Variants in RANBP10 observed in about 807,000 individuals in gnomAD.
The protein encoded by RANBP10 is ran-binding protein 10.
RANBP10 carries 24 observed loss-of-function variants against 72.8 expected under a neutral mutation model. The observed-to-expected ratio is 0.33, with a 90% CI of 0.24 to 0.46. The LOEUF is 0.46. Ranked by LOEUF, RANBP10 falls within the 20% of genes least tolerant of loss-of-function variation. The pLI is 1.00. For synonymous variants in RANBP10, 310 were observed against 322.3 expected (o/e 0.96, Z 0.41); for missense variants, 679 against 817.5 (o/e 0.83, Z 2.07).
At chr16:67,784,906 A>G (rs2054884097) in intron 2 of RANBP10, among the ~76,000 whole-genome samples, 2 of 150,704 alleles carry the variant, frequency 1.3e-5, no homozygotes, top group Non-Finnish European at 2.9e-5. Flanking sequence ...CTGGCCCAGT[A>G]GCACTTAAAA....
intron 3 of RANBP10, among the ~76,000 whole-genome samples, chr16:67,753,469 G>A (rs1430209420): frequency 6.6e-6 from 1 of 152,178 alleles, no homozygotes; most frequent in Admixed American, 6.5e-5. Context: ...ACTCCAGCCT[G>A]GGCAATAAAG....
intron 4 of RANBP10, chr16:67,738,709 C>T (rs1162721076): frequency 2.0e-5 from 3 of 152,324 alleles, no homozygotes; most frequent in African/African-American, 4.8e-5. Flanking sequence ...ACCTCAGCTT[C>T]CCAAAGTGCT....
Position 67,729,359 on chromosome 16 carries a change from A to T in RANBP10, c.1273T>A (p.Ser425Thr), listed in dbSNP as rs1339406845. ...SSSSSSSSPS[S>T]VNYSESNSTD... ...GAGTTGGACTCGGAGTAATTGACGG[A>T]GGATGGGGAAGAGGACGAGGAGGAG... Residue 425 changes from serine (S) to threonine (T), a missense_variant, in exon 10 of 14, where the codon TCC (serine) becomes ACC (threonine). Transcript: ENST00000317506. The surrounding 1 kb of genome is among the most constrained non-coding windows in gnomAD (Gnocchi z 7.1). 1.2e-6 allele frequency: 2 copies of T among 1,612,440 alleles called. No homozygotes were observed. Among genetic ancestry groups the T allele is most frequent in the Non-Finnish European group, 1.7e-6 (2 of 1,179,262 alleles).
chr16:67,772,055 C>T lies in RANBP10; in HGVS notation c.379G>A (p.Val127Ile), dbSNP rs759089845. The T allele has an allele frequency of 2.9e-5, 46 of 1,605,020 alleles. No individual in the cohort carries two copies. The highest frequency in any genetic ancestry group is 3.7e-5 in the Non-Finnish European group (43 of 1,177,426). ...TCACCAGGAAGTCTGTTCATGTTGACGCCTTGAGCCGAGAGTCCTATTCCC... is the reference window on the plus strand; with the variant it reads ...TCACCAGGAAGTCTGTTCATGTTGATGCCTTGAGCCGAGAGTCCTATTCCC... Reference protein sequence around the residue: ...YMGIGLSAQGVNMNRLPGWDK... With the variant: ...YMGIGLSAQGINMNRLPGWDK... The change falls in exon 3 of 14, where the codon GTC becomes ATC. Residue 127 changes from valine to isoleucine, a missense_variant. Coordinates refer to ENST00000317506, the MANE Select transcript of RANBP10 (RefSeq NM_020850.3).
chr16:67,732,008 C>T (rs1479883909), intron 6 of RANBP10, among the ~76,000 whole-genome samples: 2 of 152,188 alleles, frequency 1.3e-5, no homozygotes, highest in African/African-American at 4.8e-5. Context: ...TGGCAGATTT[C>T]CAGACAGGAT....
At chr16:67,737,662 G>T (rs2053881013) in intron 5 of RANBP10, among the ~76,000 whole-genome samples, 1 of 151,750 alleles carries the variant, frequency 6.6e-6, no homozygotes, top group African/African-American at 2.4e-5. Context: ...CACAGTTCAG[G>T]AACAATTCCC....
At chr16:67,770,191 T>C (rs749855029) in intron 3 of RANBP10, among the ~76,000 whole-genome samples, 1 of 152,092 alleles carries the variant, frequency 6.6e-6, no homozygotes, top group African/African-American at 2.4e-5. Flanking sequence ...TGACAGGAAA[T>C]TATTTTTCCT....
intron 3 of RANBP10, among the ~76,000 whole-genome samples, chr16:67,762,081 C>T (rs985996035): frequency 6.6e-6 from 1 of 151,888 alleles, no homozygotes; most frequent in East Asian, 1.9e-4. Context: ...CATAGCAAGA[C>T]CCCATCTCTA....
At chr16:67,747,191 C>G (rs2054099114) in intron 3 of RANBP10, among the ~76,000 whole-genome samples, 1 of 152,050 alleles carries the variant, frequency 6.6e-6, no homozygotes, top group Non-Finnish European at 1.5e-5. Flanking sequence ...TTACTATTCT[C>G]AGTTTATTTT....
chr16:67,768,690 T>C (rs775395806), intron 3 of RANBP10, among the ~76,000 whole-genome samples: 2 of 152,180 alleles, frequency 1.3e-5, no homozygotes, highest in Non-Finnish European at 2.9e-5. Flanking sequence ...CACTCCAGCC[T>C]GGGCAACAAA....
chr16:67,747,187 T>C (rs2054099024), intron 3 of RANBP10, among the ~76,000 whole-genome samples: 1 of 152,220 alleles, frequency 6.6e-6, no homozygotes, highest in Non-Finnish European at 1.5e-5. Flanking sequence ...GTATTTACTA[T>C]TCTCAGTTTA....
Position 67,733,660 on chromosome 16 carries a change from C to T in RANBP10, c.776+1198G>A, listed in dbSNP as rs2053779678. ...ATGAACACATACAAGCACATGGATA[C>T]ACACATGTAAACAAAAACACCTATG... On this transcript the variant is annotated intron_variant, in intron 6 of 13. Transcript: ENST00000317506. Among the ~76,000 whole-genome samples, 6 of 152,166 alleles carry T rather than the reference C, an allele frequency of 3.9e-5. No homozygotes were observed. In the South Asian group the frequency reaches 1.2e-3, roughly 32 times the overall value.
At chr16:67,793,766 T>G (rs1380636467) in intron 2 of RANBP10, among the ~76,000 whole-genome samples, 1 of 152,242 alleles carries the variant, frequency 6.6e-6, no homozygotes, top group Non-Finnish European at 1.5e-5. Flanking sequence ...TTCTGGTTTC[T>G]GTTTTCTGCA....
intron 2 of RANBP10, among the ~76,000 whole-genome samples, chr16:67,783,913 G>A (rs891247414): frequency 4.0e-5 from 6 of 151,854 alleles, no homozygotes; most frequent in African/African-American, 9.7e-5. Context: ...GCGTGCTGAC[G>A]GGTGTCTATA....
At chr16:67,768,141 G>A (rs989750844) in intron 3 of RANBP10, among the ~76,000 whole-genome samples, 1 of 151,630 alleles carries the variant, frequency 6.6e-6, no homozygotes, top group African/African-American at 2.4e-5. Context: ...TGTAATCCCA[G>A]CACTTTGGGA....
chr16:67,787,788 G>C (rs753516296), intron 2 of RANBP10, among the ~76,000 whole-genome samples: 35 of 152,118 alleles, frequency 2.3e-4, no homozygotes, highest in Non-Finnish European at 4.7e-4. Flanking sequence ...GATCACTTGA[G>C]GCCCGGTGTC....
chr16:67,727,843 T>C lies in RANBP10; in HGVS notation c.1528A>G (p.Arg510Gly). The C allele has an allele frequency of 6.2e-7, 1 of 1,614,148 alleles. No individual in the cohort carries two copies. The highest frequency in any genetic ancestry group is 8.5e-7 in the Non-Finnish European group (1 of 1,180,026). ...LCGGNQAATERIILFGRELQA... is the reference protein window; with the variant it reads ...LCGGNQAATEGIILFGRELQA... Reference sequence around the variant, plus strand: ...AACTCGCGGCCAAACAGAATGATCCTTTCTGTGGCAGCCTGGTTGCCCCCG... The same window carrying C: ...AACTCGCGGCCAAACAGAATGATCCCTTCTGTGGCAGCCTGGTTGCCCCCG... Residue 510 changes from arginine to glycine, a missense_variant, in exon 12 of 14, where the codon AGG becomes GGG. Physicochemically the swap from Arg to Gly is moderately radical, Grantham distance 125. Coordinates refer to ENST00000317506, the MANE Select transcript of RANBP10 (RefSeq NM_020850.3).
chr16:67,744,370 T>C lies in RANBP10; in HGVS notation c.486A>G (p.Thr162=). The C allele has an allele frequency of 6.2e-7, 1 of 1,614,214 alleles. No homozygotes were observed. The change falls in exon 4 of 14, where the codon ACA becomes ACG. Residue 162 remains threonine (T), a synonymous_variant. Transcript: ENST00000317506. Reference sequence around the variant, plus strand: ...AGCCGATCACGTCTCCTGTGGTGAATGTGGGACCATAGGGCTGGCCAGTCC... The same window carrying C: ...AGCCGATCACGTCTCCTGTGGTGAACGTGGGACCATAGGGCTGGCCAGTCC... ...SSGTGQPYGP[T]FTTGDVIGCC...
Position 67,744,206 on chromosome 16 carries a change from G to A in RANBP10, c.568+82C>T, listed in dbSNP as rs564129184. ...CCCAGAGCTCAGCAGAGGCGACACT[G>A]CCTTGAGCACTTGCCCCTGAGCCTC... On this transcript the variant is annotated intron_variant, in intron 4 of 13. Transcript: ENST00000317506. The A allele has an allele frequency of 7.4e-4, 1,149 of 1,550,602 alleles. 1 individual carries two copies. The highest frequency in any genetic ancestry group is 9.4e-4 in the Non-Finnish European group (1,079 of 1,145,970).
Sources: allele counts gnomAD v4.1 joint callset (sites outside exome capture counted in the v4.1 genomes callset), GRCh38; gene constraint gnomAD v4.1.1; non-coding constraint Gnocchi (gnomAD v3.1); transcripts MANE v1.5; gene names NCBI Gene and HGNC (gene_info 2026-07-23, HGNC 2026-07-21).